The following PPFIA2 variants were observed in gnomAD, a reference collection of about 807,000 sequenced individuals.
PPFIA2 encodes the protein PPFI scaffold protein A2.
In PPFIA2, 46 loss-of-function variants were observed where a neutral mutation model predicts 175.5. The ratio of observed to expected loss-of-function variants is 0.26; its 90% CI spans 0.21 to 0.34. PPFIA2 has a LOEUF of 0.34. Ranked by LOEUF, PPFIA2 falls within the 10% of genes least tolerant of loss-of-function variation. PPFIA2 has a pLI of 1.00. For synonymous variants in PPFIA2, 568 were observed against 511.4 expected (o/e 1.11, Z -1.49); for missense variants, 1,179 against 1,506.1 (o/e 0.78, Z 3.60).
intron 4 of PPFIA2, among the ~76,000 whole-genome samples, chr12:81,627,796 T>C (rs1162320243): frequency 1.3e-5 from 2 of 152,156 alleles, no homozygotes; most frequent in Non-Finnish European, 2.9e-5. Context: ...TCTGTAAAGC[T>C]ACTAACAACA....
intron 5 of PPFIA2, among the ~76,000 whole-genome samples, chr12:81,449,004 C>A (rs2051878816): frequency 6.6e-6 from 1 of 152,166 alleles, no homozygotes; most frequent in African/African-American, 2.4e-5. Context: ...ATCAAAGTTT[C>A]TTGAATATTA....
At chr12:81,328,603 T>G (rs2055354374) in intron 21 of PPFIA2, among the ~76,000 whole-genome samples, 1 of 152,172 alleles carries the variant, frequency 6.6e-6, no homozygotes, top group Non-Finnish European at 1.5e-5. Flanking sequence ...GTGGCTTATA[T>G]TGTATCAATG....
intron 4 of PPFIA2, among the ~76,000 whole-genome samples, chr12:81,508,435 C>A (rs2061413958): frequency 6.9e-6 from 1 of 143,948 alleles, no homozygotes; most frequent in Admixed American, 7.3e-5. Flanking sequence ...GCAGGAGAAT[C>A]ACTTGAACCC....
At chr12:81,273,578 A>G (rs564507212) in intron 28 of PPFIA2, among the ~76,000 whole-genome samples, 1 of 152,258 alleles carries the variant, frequency 6.6e-6, no homozygotes, top group Non-Finnish European at 1.5e-5. Context: ...AGTTCTTCAA[A>G]TTAGTTGGTG....
chr12:81,461,811 C>A (rs767979744), intron 4 of PPFIA2, among the ~76,000 whole-genome samples: 4 of 151,958 alleles, frequency 2.6e-5, no homozygotes, highest in African/African-American at 4.8e-5. Context: ...TCTTCATCAT[C>A]CCTCTGCCTA....
intron 3 of PPFIA2, among the ~76,000 whole-genome samples, chr12:81,713,167 C>CT (rs1414692395): frequency 6.6e-6 from 1 of 150,938 alleles, no homozygotes; most frequent in Non-Finnish European, 1.5e-5. Flanking sequence ...AATAATACAG[C>CT]TTTTTTGGGG....
At chr12:81,285,763 AATC>A (rs1487187329) in intron 24 of PPFIA2, among the ~76,000 whole-genome samples, 1 of 152,152 alleles carries the variant, frequency 6.6e-6, no homozygotes, top group African/African-American at 2.4e-5. Flanking sequence ...AACCCTTGAT[AATC>A]ATCATTAATG....
chr12:81,531,485 C>A (rs897971284), intron 4 of PPFIA2, among the ~76,000 whole-genome samples: 1 of 151,456 alleles, frequency 6.6e-6, no homozygotes, highest in Non-Finnish European at 1.5e-5. Context: ...ACGTGGAATG[C>A]TGAATAAAAA....
intron 4 of PPFIA2, among the ~76,000 whole-genome samples, chr12:81,649,011 C>A (rs1247640393): frequency 6.6e-6 from 1 of 151,544 alleles, no homozygotes; most frequent in African/African-American, 2.4e-5. Flanking sequence ...GAGCTAAATT[C>A]ATAGATTCTA....
At chr12:81,401,394 G>A (rs1278248566) in intron 8 of PPFIA2, among the ~76,000 whole-genome samples, 1 of 152,188 alleles carries the variant, frequency 6.6e-6, no homozygotes, top group Non-Finnish European at 1.5e-5. Context: ...AGTCAGCGGT[G>A]TTAAGGGTAA....
At chr12:81,375,214 C>T (rs2036087549) in intron 10 of PPFIA2, among the ~76,000 whole-genome samples, 1 of 152,138 alleles carries the variant, frequency 6.6e-6, no homozygotes, top group African/African-American at 2.4e-5. Context: ...CCTCCTGTAT[C>T]ATATGGCCTC....
intron 3 of PPFIA2, among the ~76,000 whole-genome samples, chr12:81,689,939 A>G (rs1243921345): frequency 2.0e-5 from 3 of 152,130 alleles, no homozygotes; most frequent in Non-Finnish European, 4.4e-5. Context: ...CAATCAAAAC[A>G]GACGATACAG....
intron 4 of PPFIA2, among the ~76,000 whole-genome samples, chr12:81,672,013 G>T (rs2071514772): frequency 6.6e-6 from 1 of 151,778 alleles, no homozygotes; most frequent in Non-Finnish European, 1.5e-5. Flanking sequence ...CAAGTATATT[G>T]TAAGATTCTG....
chr12:81,448,844 A>G lies in PPFIA2; in HGVS notation c.406-3124T>C, dbSNP rs148347693. 3.4e-3 allele frequency among the ~76,000 whole-genome samples: 518 copies of G among 152,298 alleles called. 5 individuals carry two copies. The highest frequency in any genetic ancestry group is 0.012 in the African/African-American group (484 of 41,562). On this transcript the variant is annotated intron_variant, in intron 5 of 32. Transcript: ENST00000549396. ...GAGGCTTTCCCTGGTTACCTACAAC[A>G]TTGGATATCTCCTTCCTAGCATATT... is the stretch of plus-strand genomic sequence containing the variant.
chr12:81,371,146 GGA>G (rs2034978712), intron 11 of PPFIA2, among the ~76,000 whole-genome samples: 1 of 151,604 alleles, frequency 6.6e-6, no homozygotes, highest in African/African-American at 2.4e-5. Context: ...TTATAAATGT[GGA>G]AGATAATAAA....
At chr12:81,578,446 A>G (rs2073930060) in intron 4 of PPFIA2, among the ~76,000 whole-genome samples, 1 of 151,822 alleles carries the variant, frequency 6.6e-6, no homozygotes, top group Non-Finnish European at 1.5e-5. Context: ...TAACCAGCTT[A>G]CTAAAATTAA....
intron 4 of PPFIA2, among the ~76,000 whole-genome samples, chr12:81,472,001 C>A (rs1331225200): frequency 1.3e-5 from 2 of 152,022 alleles, no homozygotes; most frequent in Non-Finnish European, 2.9e-5. Flanking sequence ...AACAAATACA[C>A]ACAAGGAAAT....
At chr12:81,714,925 A>C (rs2078400896) in intron 3 of PPFIA2, among the ~76,000 whole-genome samples, 1 of 151,102 alleles carries the variant, frequency 6.6e-6, no homozygotes, top group African/African-American at 2.4e-5. Flanking sequence ...CTCTAGCAGC[A>C]CATGTCAGCT....
At chr12:81,484,131 T>G (rs1363563709) in intron 4 of PPFIA2, among the ~76,000 whole-genome samples, 1 of 152,020 alleles carries the variant, frequency 6.6e-6, no homozygotes, top group African/African-American at 2.4e-5. Flanking sequence ...CCTGGTACTT[T>G]CAGAGTTTCA....
Sources: allele counts gnomAD v4.1 joint callset (sites outside exome capture counted in the v4.1 genomes callset), GRCh38; gene constraint gnomAD v4.1.1; transcripts MANE v1.5; gene names NCBI Gene and HGNC (gene_info 2026-07-23, HGNC 2026-07-21).